FNDC3A: variants seen among roughly 807,000 people sequenced by gnomAD.
FNDC3A encodes the protein fibronectin type-III domain-containing protein 3A.
FNDC3A carries 32 observed loss-of-function variants against 148.9 expected under a neutral mutation model. The observed-to-expected ratio is 0.21, with a 90% CI of 0.16 to 0.29. FNDC3A has a LOEUF of 0.29. Among genes scored for constraint, FNDC3A ranks in the 10% least tolerant of loss-of-function variants. FNDC3A has a pLI of 1.00. For missense variants in FNDC3A, 1,191 were observed against 1,452.8 expected (o/e 0.82, Z 2.93); for synonymous variants, 472 against 473.6 (o/e 1.00, Z 0.04).
intron 2 of FNDC3A, among the ~76,000 whole-genome samples, chr13:49,051,097 A>G (rs929091868): frequency 7.9e-5 from 12 of 152,062 alleles, no homozygotes; most frequent in African/African-American, 2.9e-4. Context: ...ATTCTTATCT[A>G]TTCTGCCATT....
intron 3 of FNDC3A, among the ~76,000 whole-genome samples, chr13:49,106,706 T>G (rs1880197549): frequency 6.9e-6 from 1 of 145,386 alleles, no homozygotes; most frequent in East Asian, 2.1e-4. Context: ...ATTTTCTTCC[T>G]CTAGTGCCCA....
chr13:49,155,150 G>T (rs1883576673), intron 8 of FNDC3A, among the ~76,000 whole-genome samples: 1 of 150,594 alleles, frequency 6.6e-6, no homozygotes, highest in Non-Finnish European at 1.5e-5. Context: ...TCTGGTCCTG[G>T]ACTCTTTTTG....
chr13:49,054,095 G>A (rs907333495), intron 2 of FNDC3A, among the ~76,000 whole-genome samples: 1 of 152,216 alleles, frequency 6.6e-6, no homozygotes, highest in South Asian at 2.1e-4. Flanking sequence ...AGGGAGGAGA[G>A]TATAATGAGG....
chr13:49,182,722 TG>T (rs2138082589), intron 14 of FNDC3A, among the ~76,000 whole-genome samples: 1 of 152,308 alleles, frequency 6.6e-6, no homozygotes, highest in African/African-American at 2.4e-5. Context: ...ACTACTTTTA[TG>T]TTCCATCCTT....
Position 49,180,724 on chromosome 13 carries a change from A to G in FNDC3A, c.1617+2070A>G, listed in dbSNP as rs1259343813. On this transcript the variant is annotated intron_variant, in intron 14 of 25. Transcript: ENST00000492622. The stretch of plus-strand genomic sequence containing the variant: ...GTGTTAAATTCCTTAGCATTCTACT[A>G]TAAGCTAATCAAATTTCTATTTAGG... Among the ~76,000 whole-genome samples the G allele has an allele frequency of 5.9e-5, 9 of 152,210 alleles. 1 individual carries two copies. Among genetic ancestry groups the G allele is most frequent in the Middle Eastern group, 3.4e-3 (1 of 294 alleles).
intron 6 of FNDC3A, 78 bp downstream of exon 6, chr13:49,136,679 TTCAG>T: frequency 7.1e-7 from 1 of 1,402,462 alleles, no homozygotes; most frequent in Non-Finnish European, 9.8e-7. Flanking sequence ...ATTCTAACCT[TTCAG>T]TCATTTTGTC....
intron 2 of FNDC3A, among the ~76,000 whole-genome samples, chr13:49,069,738 A>G (rs985303753): frequency 6.6e-6 from 1 of 152,190 alleles, no homozygotes; most frequent in Non-Finnish European, 1.5e-5. Context: ...TCACCAGTCA[A>G]TATCAAAGAA....
chr13:49,031,064 G>A (rs1874081723), intron 2 of FNDC3A, among the ~76,000 whole-genome samples: 1 of 152,182 alleles, frequency 6.6e-6, no homozygotes, highest in African/African-American at 2.4e-5. Flanking sequence ...AAAGAGCACA[G>A]TGGGAGAATT....
At chr13:49,043,703 T>C (rs1024097319) in intron 2 of FNDC3A, among the ~76,000 whole-genome samples, 1 of 152,226 alleles carries the variant, frequency 6.6e-6, no homozygotes, top group South Asian at 2.1e-4. Context: ...TTTATACTAA[T>C]GATTGCATTG....
chr13:48,977,894 A>AT (rs1411667979), intron 1 of FNDC3A, among the ~76,000 whole-genome samples: 1 of 151,892 alleles, frequency 6.6e-6, no homozygotes, highest in Non-Finnish European at 1.5e-5. Flanking sequence ...TAACTGGAAA[A>AT]TTTTTTATCC....
At chr13:49,153,000 G>A (rs1883412786) in intron 8 of FNDC3A, among the ~76,000 whole-genome samples, 1 of 150,558 alleles carries the variant, frequency 6.6e-6, no homozygotes, top group African/African-American at 2.4e-5. Flanking sequence ...TGTCTTTATA[G>A]CAGCATGATT....
At position 49,201,910 on chromosome 13, in the gene FNDC3A, C is replaced by G; in HGVS notation, c.3098C>G (p.Pro1033Arg). Residue 1033 changes from proline (P) to arginine (R), a missense_variant, in exon 24 of 26, where the codon CCC becomes CGC. By Grantham distance (103) the Pro-to-Arg change is moderately radical. Coordinates refer to ENST00000492622, the MANE Select transcript of FNDC3A (RefSeq NM_001079673.2). ...GCTTGTAATGAAGCTGGGGAAGGTCCCCTCTCCCAAGAATATATTTTCACT... is the reference window on the plus strand; with the variant it reads ...GCTTGTAATGAAGCTGGGGAAGGTCGCCTCTCCCAAGAATATATTTTCACT... ...IQACNEAGEG[P>R]LSQEYIFTTP... 1 of 1,592,144 alleles carries G rather than the reference C, an allele frequency of 6.3e-7. No homozygotes were observed. The highest frequency in any genetic ancestry group is 1.4e-5 in the African/African-American group (1 of 73,672).
At chr13:49,045,528 C>A in intron 2 of FNDC3A, 1 of 291,968 alleles carries the variant, frequency 3.4e-6, no homozygotes, top group East Asian at 5.9e-5. Flanking sequence ...ACCCTCCTGG[C>A]ATGTGTGACA....
intron 1 of FNDC3A, among the ~76,000 whole-genome samples, chr13:48,979,909 T>C (rs1393135652): frequency 1.3e-5 from 2 of 152,198 alleles, no homozygotes; most frequent in Non-Finnish European, 2.9e-5. Flanking sequence ...ATCTGTGGAC[T>C]GGATTTGGCC....
chr13:48,980,860 A>G (rs1349167064), intron 1 of FNDC3A, among the ~76,000 whole-genome samples: 2 of 152,166 alleles, frequency 1.3e-5, no homozygotes. Flanking sequence ...AGTACATTCC[A>G]TATATCAGGG....
intron 2 of FNDC3A, among the ~76,000 whole-genome samples, chr13:49,055,455 C>T (rs1257963001): frequency 6.6e-6 from 1 of 152,022 alleles, no homozygotes; most frequent in African/African-American, 2.4e-5. Flanking sequence ...ATACCCTCCT[C>T]CCTTTTGGAA....
intron 5 of FNDC3A, 146 bp from the exon 6 acceptor site, chr13:49,136,186 A>G (rs963760123): frequency 8.3e-6 from 5 of 603,984 alleles, no homozygotes; most frequent in East Asian, 5.7e-5. Flanking sequence ...GTTTATGGAG[A>G]CACAAAGGTT....
At chr13:48,985,175 TAA>T (rs970822097) in intron 1 of FNDC3A, among the ~76,000 whole-genome samples, 3 of 152,108 alleles carry the variant, frequency 2.0e-5, no homozygotes, top group Non-Finnish European at 4.4e-5. Context: ...TCAAGGTATA[TAA>T]GGTGTACCTA....
intron 8 of FNDC3A, among the ~76,000 whole-genome samples, chr13:49,166,509 G>A (rs1884469749): frequency 6.6e-6 from 1 of 152,150 alleles, no homozygotes; most frequent in Admixed American, 6.5e-5. Flanking sequence ...GGTTTGGGAA[G>A]TATATAGGAC....
Sources: allele counts gnomAD v4.1 joint callset (sites outside exome capture counted in the v4.1 genomes callset), GRCh38; gene constraint gnomAD v4.1.1; transcripts MANE v1.5; gene names NCBI Gene and HGNC (gene_info 2026-07-23, HGNC 2026-07-21).